The following PLEKHA1 variants were observed in gnomAD, a reference collection of about 807,000 sequenced individuals.
The protein encoded by PLEKHA1 is pleckstrin homology domain-containing family A member 1.
In PLEKHA1, 34 loss-of-function variants were observed where a neutral mutation model predicts 52.0. That is an observed-to-expected ratio of 0.65 (90% CI 0.50 to 0.87). The LOEUF is 0.87. Ranked by LOEUF, PLEKHA1 falls within the 40% of genes least tolerant of loss-of-function variation. PLEKHA1 has a pLI of 0.00. For missense variants in PLEKHA1, 497 were observed against 504.2 expected, an observed-to-expected ratio of 0.99 and a Z score of 0.14; for synonymous variants, 163 against 170.7, an observed-to-expected ratio of 0.95 and a Z score of 0.35.
At chr10:122,375,387 G>A (rs1471491894) in intron 1 of PLEKHA1, among the ~76,000 whole-genome samples, 1 of 152,266 alleles carries the variant, frequency 6.6e-6, no homozygotes, top group Non-Finnish European at 1.5e-5. Flanking sequence ...CTGAAGTCGG[G>A]CGGTGTCCGC....
At chr10:122,396,917 A>T (rs181975830) in intron 2 of PLEKHA1, among the ~76,000 whole-genome samples, 1 of 152,086 alleles carries the variant, frequency 6.6e-6, no homozygotes, top group South Asian at 2.1e-4. Flanking sequence ...AAGATATATT[A>T]TAAAAAGAGC....
chr10:122,428,321 A>T, intron 11 of PLEKHA1: 3 of 1,547,516 alleles, frequency 1.9e-6, no homozygotes, highest in Non-Finnish European at 2.6e-6. Context: ...ACAGAGGTAT[A>T]CATCAAGAGC....
At chr10:122,402,238 ATCAAAAACTAAGATTAGTCGT>A (rs1299840875) in intron 4 of PLEKHA1, among the ~76,000 whole-genome samples, 3 of 152,214 alleles carry the variant, frequency 2.0e-5, no homozygotes, top group Non-Finnish European at 4.4e-5. Flanking sequence ...TTTAGTTGGA[ATCAAAAACTAAGATTAGTCGT>A]TCATTGGTCA....
intron 1 of PLEKHA1, among the ~76,000 whole-genome samples, chr10:122,377,865 T>G (rs1361549887): frequency 6.6e-6 from 1 of 152,102 alleles, no homozygotes; most frequent in Non-Finnish European, 1.5e-5. Context: ...GAAGATAGGG[T>G]TTTTGGGATT....
intron 8 of PLEKHA1, chr10:122,421,749 T>C (rs2097262865): frequency 6.6e-6 from 1 of 152,172 alleles, no homozygotes; most frequent in Non-Finnish European, 1.5e-5. Context: ...TTTAAAAAAA[T>C]TCAGCATCAC....
At chr10:122,429,587 GTGAC>G in intron 11 of PLEKHA1, 33 bp from the exon 12 acceptor site, 3 of 1,591,332 alleles carry the variant, frequency 1.9e-6, no homozygotes, top group Non-Finnish European at 2.6e-6. Context: ...CTGGTCATGA[GTGAC>G]TGACCGTGTC....
At chr10:122,380,541 T>C (rs2096600112) in intron 1 of PLEKHA1, among the ~76,000 whole-genome samples, 1 of 152,192 alleles carries the variant, frequency 6.6e-6, no homozygotes, top group Non-Finnish European at 1.5e-5. Context: ...GTGGGAATCT[T>C]GTCTGGTGAG....
chr10:122,403,621 C>G (rs1300397040), intron 4 of PLEKHA1, among the ~76,000 whole-genome samples: 3 of 149,266 alleles, frequency 2.0e-5, no homozygotes, highest in Non-Finnish European at 3.0e-5. Context: ...TTTTATTGTT[C>G]AAAGATTTTA....
chr10:122,436,342 G>A (rs956572391), downstream of PLEKHA1: 3 of 152,012 alleles, frequency 2.0e-5, no homozygotes, highest in East Asian at 1.9e-4. Context: ...TCAATCATAG[G>A]TACGTATCAA....
At chr10:122,405,338 A>T (rs766455312) in intron 4 of PLEKHA1, among the ~76,000 whole-genome samples, 8 of 152,146 alleles carry the variant, frequency 5.3e-5, no homozygotes, top group Admixed American at 1.3e-4. Flanking sequence ...AATACTGTTA[A>T]AGTAAAACAG....
chr10:122,392,483 A>C lies in PLEKHA1; in HGVS notation c.-20-698A>C, dbSNP rs375788299. ...ATCAGGAGGCACATCATACCTGCTT[A>C]TCTCTCTTTCCAGTACATTAACTAG... is the stretch of plus-strand genomic sequence containing the variant. On this transcript the variant is annotated intron_variant, in intron 1 of 11. Coordinates refer to ENST00000368990, the MANE Select transcript of PLEKHA1 (RefSeq NM_001001974.4). 13 of 152,264 alleles carry C rather than the reference A, an allele frequency of 8.5e-5. No homozygotes were observed. The East Asian group carries it at 1.4e-3, about 16-fold the overall frequency. The allele number at this position is 152,264 out of a possible 1,614,324, so 9.4% of individuals were successfully genotyped here. A position where few individuals can be genotyped will look rare whatever the true frequency, so the allele number is the denominator to read the frequency against.
rs536283554 is a variant in PLEKHA1, at chr10:122,428,363, G to A, written c.901-1261G>A. 196 of 1,543,896 alleles carry A rather than the reference G, an allele frequency of 1.3e-4. 4 individuals are homozygous for A. In the South Asian group the frequency reaches 1.9e-3, roughly 15 times the overall value. On this transcript the variant is annotated intron_variant, in intron 11 of 11. Coordinates refer to ENST00000368990, the MANE Select transcript of PLEKHA1 (RefSeq NM_001001974.4). ...ATGCAGCACGTATGTGGGCTCTCAC[G>A]CAAACGTGCCTTCTTAGTGGAGGGC...
intron 1 of PLEKHA1, among the ~76,000 whole-genome samples, chr10:122,380,307 A>G (rs974450990): frequency 2.0e-5 from 3 of 152,208 alleles, no homozygotes; most frequent in Non-Finnish European, 4.4e-5. Flanking sequence ...TAAATAACAA[A>G]TCCCTGCTGT....
chr10:122,392,275 A>G (rs943030074), intron 1 of PLEKHA1: 1 of 151,858 alleles, frequency 6.6e-6, no homozygotes, highest in Non-Finnish European at 1.5e-5. Context: ...TGCTAAAGAA[A>G]CTTTTTTTTT....
At chr10:122,426,810 T>G in intron 10 of PLEKHA1, 132 bp from the exon 11 acceptor site, 1 of 772,052 alleles carries the variant, frequency 1.3e-6, no homozygotes, top group South Asian at 2.0e-5. Context: ...ATTTCTAAAT[T>G]TTTTGGAAAC....
chr10:122,439,253 A>G, the PLEKHA1 span: 1 of 152,190 alleles, frequency 6.6e-6, no homozygotes, highest in African/African-American at 2.4e-5. Context: ...TATTTTAAAA[A>G]TCTGCTAGAT....
intron 11 of PLEKHA1, among the ~76,000 whole-genome samples, chr10:122,427,920 G>A (rs943569244): frequency 2.6e-5 from 4 of 151,958 alleles, no homozygotes; most frequent in Non-Finnish European, 5.9e-5. Context: ...CCTTTTATTA[G>A]TTTTCTGGTA....
intron 5 of PLEKHA1, chr10:122,412,663 A>G (rs2097123781): frequency 2.4e-6 from 1 of 423,456 alleles, no homozygotes; most frequent in Admixed American, 3.5e-5. Flanking sequence ...CATAGGGTAG[A>G]CAGGAGTAGT....
At chr10:122,385,521 G>A (rs1038070513) in intron 1 of PLEKHA1, among the ~76,000 whole-genome samples, 2 of 151,982 alleles carry the variant, frequency 1.3e-5, no homozygotes, top group African/African-American at 4.8e-5. Context: ...TCTCCGTGTT[G>A]GTCAGGCTGG....
Sources: gnomAD v4.1 joint callset for allele counts (sites outside exome capture counted in the v4.1 genomes callset) on GRCh38, gnomAD v4.1.1 for gene constraint, MANE v1.5 for transcripts, NCBI Gene and HGNC (gene_info 2026-07-23, HGNC 2026-07-21) for gene names.